GPHN: variants seen among roughly 807,000 people sequenced by gnomAD.
The protein encoded by GPHN is gephyrin.
GPHN carries 17 observed loss-of-function variants against 95.5 expected under a neutral mutation model. The observed-to-expected ratio is 0.18, with a 90% CI of 0.12 to 0.27. The LOEUF (loss-of-function observed/expected upper bound fraction) is 0.27. GPHN is among the 10% of genes least tolerant of loss of function. GPHN has a pLI of 1.00. For synonymous variants in GPHN, 320 were observed against 322.5 expected (o/e 0.99, Z 0.08); for missense variants, 660 against 978.1 (o/e 0.67, Z 4.34).
intron 1 of GPHN, among the ~76,000 whole-genome samples, chr14:66,527,119 T>G (rs1056695692): frequency 6.6e-6 from 1 of 152,154 alleles, no homozygotes; most frequent in African/African-American, 2.4e-5. Flanking sequence ...CTTTTTTTGG[T>G]TAGTAGGCTA....
the GPHN span, among the ~76,000 whole-genome samples, chr14:67,464,525 G>A: frequency 6.0e-5 from 9 of 151,200 alleles, no homozygotes; most frequent in Admixed American, 2.0e-4. Flanking sequence ...CCCCCACCAC[G>A]CAGCAGCCAC....
chr14:67,172,669 C>T (rs1278300560), intron 21 of GPHN, among the ~76,000 whole-genome samples: 1 of 152,154 alleles, frequency 6.6e-6, no homozygotes, highest in Non-Finnish European at 1.5e-5. Flanking sequence ...ACTCTCCTTT[C>T]CTGAAGCTAG....
the GPHN span, among the ~76,000 whole-genome samples, chr14:67,595,717 G>T: frequency 1.3e-5 from 2 of 152,102 alleles, no homozygotes; most frequent in African/African-American, 4.8e-5. Context: ...TATGGCCTCT[G>T]CCAGACCCAG....
chr14:66,806,098 C>A lies in GPHN; in HGVS notation c.202-18376C>A, dbSNP rs558226592. Reference sequence around the variant, plus strand: ...AGATGGCGGTTCCCAAACCTCAATTCTTGATTTCTGTTCACTCGCAAGCTC... The same window carrying A: ...AGATGGCGGTTCCCAAACCTCAATTATTGATTTCTGTTCACTCGCAAGCTC... On this transcript the variant is annotated intron_variant, in intron 3 of 22. Coordinates refer to ENST00000478722, the MANE Select transcript of GPHN (RefSeq NM_020806.5). Among the ~76,000 whole-genome samples, 3 of 152,302 alleles carry A rather than the reference C, an allele frequency of 2.0e-5. No homozygotes were observed. The South Asian group carries it at 6.2e-4, about 32-fold the overall frequency.
chr14:67,549,031 T>C, the GPHN span, among the ~76,000 whole-genome samples: 2,147 of 152,312 alleles, frequency 0.014, 27 homozygotes, highest in Non-Finnish European at 0.017. Flanking sequence ...TTTCACAACA[T>C]ATGGGTAGCC....
chr14:66,830,733 C>G (rs926539228), intron 4 of GPHN, among the ~76,000 whole-genome samples: 1 of 152,020 alleles, frequency 6.6e-6, no homozygotes, highest in African/African-American at 2.4e-5. Context: ...GGAAAAGACT[C>G]TGAATTTTAG....
At chr14:67,203,526 ACT>A in the GPHN span, among the ~76,000 whole-genome samples, 1 of 152,154 alleles carries the variant, frequency 6.6e-6, no homozygotes, top group South Asian at 2.1e-4. Context: ...GGAACTGAAG[ACT>A]CATAATAAAC....
chr14:67,701,714 G>A, the GPHN span, among the ~76,000 whole-genome samples: 6 of 152,126 alleles, frequency 3.9e-5, no homozygotes, highest in Non-Finnish European at 7.4e-5. Flanking sequence ...GAGTCACCAC[G>A]CCAGGCCTAT....
chr14:67,593,501 A>T, the GPHN span: 1 of 485,136 alleles, frequency 2.1e-6, no homozygotes, highest in Admixed American at 3.7e-5. Flanking sequence ...AAAAAAAAAA[A>T]AAGAAAAAAG....
chr14:66,612,757 T>C (rs2062837425), intron 1 of GPHN, among the ~76,000 whole-genome samples: 1 of 152,122 alleles, frequency 6.6e-6, no homozygotes, highest in African/African-American at 2.4e-5. Context: ...GCTTTAACTT[T>C]TCTTCACCTT....
chr14:66,591,200 T>G (rs1001398821), intron 1 of GPHN, among the ~76,000 whole-genome samples: 1 of 152,106 alleles, frequency 6.6e-6, no homozygotes, highest in Non-Finnish European at 1.5e-5. Flanking sequence ...GCCAATATAA[T>G]ACTGAATGGG....
intron 1 of GPHN, among the ~76,000 whole-genome samples, chr14:66,651,841 A>G (rs1166444475): frequency 2.0e-5 from 3 of 151,982 alleles, no homozygotes; most frequent in African/African-American, 4.8e-5. Flanking sequence ...TCACCCCGAG[A>G]TGGGACCATC....
At chr14:67,592,758 C>T in the GPHN span, 9 of 1,174,294 alleles carry the variant, frequency 7.7e-6, no homozygotes, top group African/African-American at 1.4e-4. Flanking sequence ...CTAAGTGAAA[C>T]TCATTTTGCA....
chr14:66,540,538 A>G (rs1040897054), intron 1 of GPHN, among the ~76,000 whole-genome samples: 2 of 152,200 alleles, frequency 1.3e-5, no homozygotes, highest in Non-Finnish European at 2.9e-5. Context: ...TTCCGTGATA[A>G]TCAGTGATGA....
At chr14:67,192,631 T>A in the GPHN span, among the ~76,000 whole-genome samples, 4 of 151,826 alleles carry the variant, frequency 2.6e-5, no homozygotes, top group African/African-American at 9.7e-5. Flanking sequence ...GTTTAACCAC[T>A]GGCCACAATT....
the GPHN span, among the ~76,000 whole-genome samples, chr14:67,439,577 CT>C: frequency 8.5e-5 from 9 of 106,002 alleles, no homozygotes; most frequent in African/African-American, 2.0e-4. Context: ...TTCTTTCTTT[CT>C]TTCTTTCTTT....
the GPHN span, among the ~76,000 whole-genome samples, chr14:67,400,693 A>G: frequency 1.3e-5 from 2 of 151,994 alleles, no homozygotes; most frequent in African/African-American, 4.8e-5. Context: ...AGGAGAGGGC[A>G]AAAGAATCTT....
At chr14:66,773,189 A>G (rs974923740) in intron 2 of GPHN, among the ~76,000 whole-genome samples, 3 of 152,188 alleles carry the variant, frequency 2.0e-5, no homozygotes, top group African/African-American at 7.2e-5. Flanking sequence ...TATGTCAGGA[A>G]AAAGATGGCA....
chr14:67,134,916 CTT>C (rs1008450497), intron 17 of GPHN, among the ~76,000 whole-genome samples: 24 of 95,834 alleles, frequency 2.5e-4, no homozygotes, highest in African/African-American at 9.3e-4. Flanking sequence ...CTTTCTCTCT[CTT>C]TCTTTCTCTC....
Sources: allele counts gnomAD v4.1 joint callset (sites outside exome capture counted in the v4.1 genomes callset), GRCh38; gene constraint gnomAD v4.1.1; transcripts MANE v1.5; gene names NCBI Gene and HGNC (gene_info 2026-07-23, HGNC 2026-07-21).